The following MYBPC2 variants were observed in gnomAD, a reference collection of about 807,000 sequenced individuals.
The protein encoded by MYBPC2 is myosin-binding protein C, fast-type.
MYBPC2 carries 122 observed loss-of-function variants against 137.0 expected under a neutral mutation model. The observed-to-expected ratio is 0.89, with a 90% CI of 0.77 to 1.03. MYBPC2 has a LOEUF of 1.03. Ranked by LOEUF, MYBPC2 falls within the 50% of genes least tolerant of loss-of-function variation. MYBPC2 has a pLI of 0.00. For synonymous variants in MYBPC2, 626 were observed against 612.3 expected (o/e 1.02, Z -0.33); for missense variants, 1,500 against 1,534.4 (o/e 0.98, Z 0.37).
In MYBPC2 at chr19:50,436,025, G is replaced by T. The variant is rs2039699856; in HGVS notation, c.210G>T (p.Val70=). The T allele has an allele frequency of 3.8e-6, 6 of 1,581,304 alleles. No individual in the cohort carries two copies. Among genetic ancestry groups the T allele is most frequent in the Non-Finnish European group, 4.3e-6 (5 of 1,163,484 alleles). Residue 70 remains valine, a synonymous_variant, in exon 4 of 28, where the codon GTG becomes GTT. Transcript: ENST00000357701. ...SVSVETGKDA[V]VVAKVNGKEL... The stretch of plus-strand genomic sequence containing the variant: ...CACCCCATGTAGGGAAGGACGCAGT[G>T]GTCGTGGCCAAGGTGAACGGGAAGG...
intron 5 of MYBPC2, 125 bp downstream of exon 5, chr19:50,436,859 G>T (rs1304401495): frequency 6.1e-6 from 5 of 814,032 alleles, no homozygotes; most frequent in East Asian, 2.6e-5. Flanking sequence ...TTTGGAGGAG[G>T]GAGTGCAGAT....
Position 50,455,547 on chromosome 19 carries a change from T to C in MYBPC2, c.2241T>C (p.Asp747=). The change falls in exon 20 of 28, where the codon GAT becomes GAC. Residue 747 remains aspartate (D), a synonymous_variant. Coordinates refer to ENST00000357701, the MANE Select transcript of MYBPC2 (RefSeq NM_004533.4). ...AACCCCTGCACCTGATAGTGGAGGA[T>C]GTGACAGACACCACCACCACACTCA... ...TSEPLHLIVE[D]VTDTTTTLKW... 1 of 1,613,934 alleles carries C rather than the reference T, an allele frequency of 6.2e-7. No individual in the cohort carries two copies. Among genetic ancestry groups the C allele is most frequent in the Non-Finnish European group, 8.5e-7 (1 of 1,179,874 alleles).
chr19:50,450,862 C>A lies in MYBPC2; in HGVS notation c.1506C>A (p.Pro502=). ...FHKLVIDDVR[P]EDEGDYTFVP... ...AGCTGGTGATCGATGACGTCCGCCC[C>A]GAGGATGAGGGAGACTACACGTTTG... is the stretch of plus-strand genomic sequence containing the variant. Residue 502 remains proline (P), a synonymous_variant, in exon 14 of 28, where the codon CCC becomes CCA. Transcript: ENST00000357701. 1 of 1,578,896 alleles carries A rather than the reference C, an allele frequency of 6.3e-7. No homozygotes were observed. Among genetic ancestry groups the A allele is most frequent in the East Asian group, 2.3e-5 (1 of 42,806 alleles).
rs1376787164 is a variant in MYBPC2, at chr19:50,461,543, A to AGT, written c.2935_2936dup (p.Trp979CysfsTer74). On this transcript the variant is annotated frameshift_variant and splice_region_variant, in exon 25 of 28. Transcript: ENST00000357701. LOFTEE classifies it high-confidence loss of function. ...GGTCCCTCCCTGTCCCCACACTAGGAGTGGTTCAACGTCTATGAACGTAAC... is the reference window on the plus strand; with the variant it reads ...GGTCCCTCCCTGTCCCCACACTAGGAGTGTGGTTCAACGTCTATGAACGTAAC... The AGT allele has an allele frequency of 1.2e-6, 2 of 1,612,798 alleles. No homozygotes were observed. The highest frequency in any genetic ancestry group is 1.7e-6 in the Non-Finnish European group (2 of 1,179,532).
intron 11 of MYBPC2, among the ~76,000 whole-genome samples, 169 bp downstream of exon 11, chr19:50,443,985 AAATTGTTTCTAG>A (rs146785361): frequency 0.085 from 12,914 of 152,126 alleles, 717 homozygotes; most frequent in African/African-American, 0.15. Context: ...CCTTCACCTA[AAATTGTTTCTAG>A]AATTTCTGAC....
chr19:50,441,808 C>G (rs1263701508), intron 8 of MYBPC2, among the ~76,000 whole-genome samples: 1 of 150,606 alleles, frequency 6.6e-6, no homozygotes, highest in African/African-American at 2.4e-5. Flanking sequence ...CTGTGGCACT[C>G]CAGCCTGGGG....
At chr19:50,459,449 G>T in intron 23 of MYBPC2, 143 bp downstream of exon 23, 1 of 429,120 alleles carries the variant, frequency 2.3e-6, no homozygotes, top group Non-Finnish European at 3.7e-6. Context: ...GGGAGAGGAG[G>T]TGAGAGATGG....
chr19:50,451,385 G>A (rs1164462216), intron 15 of MYBPC2, 76 bp downstream of exon 15: 1 of 1,521,874 alleles, frequency 6.6e-7, no homozygotes, highest in Non-Finnish European at 9.0e-7. Context: ...GAATGGCCGA[G>A]GGAGGATAGG....
chr19:50,456,936 C>T (rs1037039296), intron 20 of MYBPC2, among the ~76,000 whole-genome samples: 4 of 152,152 alleles, frequency 2.6e-5, no homozygotes, highest in Non-Finnish European at 4.4e-5. Flanking sequence ...GACTTGTGCC[C>T]GGCCCAGTGC....
chr19:50,460,295 T>C, intron 24 of MYBPC2, 116 bp downstream of exon 24: 1 of 1,402,738 alleles, frequency 7.1e-7, no homozygotes, highest in South Asian at 1.5e-5. Flanking sequence ...GAGGACGGGC[T>C]GGGGCCAGGA....
At chr19:50,452,466 G>GTGTGTGTATGTA (rs1568664568) in intron 16 of MYBPC2, among the ~76,000 whole-genome samples, 1 of 147,102 alleles carries the variant, frequency 6.8e-6, no homozygotes. Context: ...CTATGTATCT[G>GTGTGTGTATGTA]TGTATGTATG....
rs555729965 is a variant in MYBPC2, at chr19:50,464,460, G to A, written c.3343G>A (p.Ala1115Thr). 28 of 1,612,752 alleles carry A rather than the reference G, an allele frequency of 1.7e-5. No individual in the cohort carries two copies. The highest frequency in any genetic ancestry group is 1.4e-4 in the South Asian group (13 of 90,650). Residue 1115 changes from alanine (A) to threonine (T), a missense_variant, in exon 27 of 28, where the codon GCT becomes ACT. Physicochemically the swap from Ala to Thr is moderately conservative, Grantham distance 58. Transcript: ENST00000357701. Reference protein sequence around the residue: ...LNIRRPSPFDAGTYTCRAVNE... With the variant: ...LNIRRPSPFDTGTYTCRAVNE... ...CATCCGTCGCCCCTCGCCCTTCGAC[G>A]CTGGGACTTACACCTGCCGGGCCGT...
In MYBPC2 at chr19:50,439,669, C is replaced by T. The variant is rs147778903; in HGVS notation, c.573-1211C>T. Among the ~76,000 whole-genome samples the T allele has an allele frequency of 8.1e-3, 1,236 of 152,050 alleles. 8 individuals carry two copies. The highest frequency in any genetic ancestry group is 0.027 in the Middle Eastern group (8 of 292). On this transcript the variant is annotated intron_variant, in intron 7 of 27. Transcript: ENST00000357701. ...CCATCAACCATCTTCTGAGGCCTCC[C>T]GTCTACTAGGTCCTGGGCTGAGATC...
chr19:50,434,949 T>A (rs1235000877), intron 1 of MYBPC2, among the ~76,000 whole-genome samples: 1 of 151,452 alleles, frequency 6.6e-6, no homozygotes, highest in Non-Finnish European at 1.5e-5. Context: ...AGATCTGAGA[T>A]AAATTTATAC....
chr19:50,440,755 A>C, intron 7 of MYBPC2, 125 bp from the exon 8 acceptor site: 1 of 947,412 alleles, frequency 1.1e-6, no homozygotes, highest in Non-Finnish European at 1.5e-6. Context: ...ACCAGGCGGG[A>C]AACAATAAGA....
At chr19:50,443,013 A>G (rs950324598) in intron 9 of MYBPC2, among the ~76,000 whole-genome samples, 11 of 152,008 alleles carry the variant, frequency 7.2e-5, no homozygotes, top group African/African-American at 2.7e-4. Flanking sequence ...TCTTCAAGCA[A>G]TCTGCCTGCC....
intron 15 of MYBPC2, 92 bp downstream of exon 15, chr19:50,451,401 C>G: frequency 1.8e-6 from 2 of 1,133,850 alleles, no homozygotes; most frequent in South Asian, 2.5e-5. Flanking sequence ...ATAGGCAGGG[C>G]GAGGAAGGAT....
In MYBPC2 at chr19:50,459,405, G is replaced by A. The variant is rs1242595674; in HGVS notation, c.2791+99G>A. 5 of 892,046 alleles carry A rather than the reference G, an allele frequency of 5.6e-6. No individual in the cohort carries two copies. In the East Asian group the frequency reaches 1.3e-4, roughly 23 times the overall value. 55.3% of individuals were successfully genotyped at this position (892,046 alleles called of 1,614,324 possible). ...ATGAGGGGTGGGGAAGGAGGTGGGA[G>A]ATGAAGGGTGGGAGAGGAGGTGAGA... is the stretch of plus-strand genomic sequence containing the variant. On this transcript the variant is annotated intron_variant, in intron 23 of 27. Coordinates refer to ENST00000357701, the MANE Select transcript of MYBPC2 (RefSeq NM_004533.4).
chr19:50,442,277 G>A lies in MYBPC2; in HGVS notation c.866G>A (p.Trp289Ter). 7 of 1,608,102 alleles carry A rather than the reference G, an allele frequency of 4.4e-6. No individual in the cohort carries two copies. The highest frequency in any genetic ancestry group is 3.4e-6 in the Non-Finnish European group (4 of 1,177,406). ...AGCGACCCAGACCTGACCCTCAAGTGGTTCAAGAACGGCCAGGAGATCAAA... is the reference window on the plus strand; with the variant it reads ...AGCGACCCAGACCTGACCCTCAAGTAGTTCAAGAACGGCCAGGAGATCAAA... ...EISDPDLTLK[W>*]FKNGQEIKPS... Residue 289 changes from tryptophan to a stop codon, truncating the protein, a stop_gained, in exon 9 of 28, where the codon TGG (tryptophan) becomes TAG (stop). Coordinates refer to ENST00000357701, the MANE Select transcript of MYBPC2 (RefSeq NM_004533.4). LOFTEE classifies it high-confidence loss of function.
Sources: allele counts gnomAD v4.1 joint callset (sites outside exome capture counted in the v4.1 genomes callset), GRCh38; gene constraint gnomAD v4.1.1; transcripts MANE v1.5; gene names NCBI Gene and HGNC (gene_info 2026-07-23, HGNC 2026-07-21).